PPP3CC: variants seen among roughly 807,000 people sequenced by gnomAD.
PPP3CC encodes the protein serine/threonine-protein phosphatase 2B catalytic subunit gamma isoform.
PPP3CC carries 35 observed loss-of-function variants against 60.3 expected under a neutral mutation model. That is an observed-to-expected ratio of 0.58 (90% CI 0.44 to 0.77). The LOEUF (loss-of-function observed/expected upper bound fraction) is 0.77, where lower values mean the gene tolerates loss of function less well. PPP3CC is among the 30% of genes least tolerant of loss of function. The pLI, the probability that PPP3CC is intolerant of heterozygous loss-of-function variation, is 0.00. For synonymous variants in PPP3CC, 206 were observed against 224.3 expected (o/e 0.92, Z 0.73); for missense variants, 570 against 628.9 (o/e 0.91, Z 1.00).
chr8:22,483,031 G>T (rs1165332035), intron 3 of PPP3CC, among the ~76,000 whole-genome samples: 1 of 152,132 alleles, frequency 6.6e-6, no homozygotes, highest in Non-Finnish European at 1.5e-5. Flanking sequence ...TATATGACTT[G>T]CAATCATGTA....
intron 3 of PPP3CC, among the ~76,000 whole-genome samples, chr8:22,493,881 G>A (rs1422099703): frequency 1.3e-5 from 2 of 152,144 alleles, no homozygotes; most frequent in African/African-American, 4.8e-5. Flanking sequence ...CAGGTATTAT[G>A]TACTGTACAT....
Position 22,519,788 on chromosome 8 carries a change from G to A in PPP3CC, c.771-2703G>A, listed in dbSNP as rs148549220. On this transcript the variant is annotated intron_variant, in intron 6 of 13. Coordinates refer to ENST00000240139, the MANE Select transcript of PPP3CC (RefSeq NM_005605.5). ...TCCTACCTCAGCCTCCTGAGTAGCT[G>A]GGACTACAGGCACACACCACCACAC... is the stretch of plus-strand genomic sequence containing the variant. 4.4e-3 allele frequency among the ~76,000 whole-genome samples: 666 copies of A among 152,274 alleles called. 6 individuals carry two copies. Among genetic ancestry groups the A allele is most frequent in the African/African-American group, 0.016 (645 of 41,550 alleles).
At chr8:22,512,208 C>CGGCCGGGCGCGG (rs1839107603) in intron 5 of PPP3CC, among the ~76,000 whole-genome samples, 1 of 152,212 alleles carries the variant, frequency 6.6e-6, no homozygotes, top group Non-Finnish European at 1.5e-5. Context: ...ACTATTTTCT[C>CGGCCGGGCGCGG]TGAAGAAAGT....
intron 1 of PPP3CC, among the ~76,000 whole-genome samples, chr8:22,455,171 A>G (rs1429440931): frequency 6.6e-6 from 1 of 152,194 alleles, no homozygotes; most frequent in Non-Finnish European, 1.5e-5. Flanking sequence ...ATGTATTCAT[A>G]AATATTTGAT....
At chr8:22,480,183 G>A (rs1838018943) in intron 3 of PPP3CC, among the ~76,000 whole-genome samples, 1 of 152,132 alleles carries the variant, frequency 6.6e-6, no homozygotes, top group Non-Finnish European at 1.5e-5. Context: ...GAAAGTTTAC[G>A]ATTGATAAGG....
intron 3 of PPP3CC, 28 bp from the exon 4 acceptor site, chr8:22,497,971 GAA>G: frequency 1.3e-6 from 2 of 1,494,286 alleles, no homozygotes; most frequent in Non-Finnish European, 1.8e-6. Context: ...TGGTCACAAA[GAA>G]AATTTTATGC....
chr8:22,469,857 T>C (rs1837661862), intron 1 of PPP3CC, among the ~76,000 whole-genome samples: 1 of 152,002 alleles, frequency 6.6e-6, no homozygotes. Flanking sequence ...AGATAATAAG[T>C]GATTATTGCC....
In PPP3CC at chr8:22,451,129, G is replaced by A. The variant is rs1401319043; in HGVS notation, c.49+9671G>A. Among the ~76,000 whole-genome samples, 3 of 145,862 alleles carry A rather than the reference G, an allele frequency of 2.1e-5. No individual in the cohort carries two copies. In the Admixed American group the frequency reaches 2.1e-4, roughly 10 times the overall value. On this transcript the variant is annotated intron_variant, in intron 1 of 13. Coordinates refer to ENST00000240139, the MANE Select transcript of PPP3CC (RefSeq NM_005605.5). ...GCTGGGATTACAGGCGTGAGCCACCGCACCCGGCCCATTTATTTATTTTTG... is the reference window on the plus strand; with the variant it reads ...GCTGGGATTACAGGCGTGAGCCACCACACCCGGCCCATTTATTTATTTTTG...
In PPP3CC at chr8:22,499,363, C is replaced by G. The variant is rs192059720; in HGVS notation, c.484+1251C>G. 5.6e-3 allele frequency among the ~76,000 whole-genome samples: 844 copies of G among 149,538 alleles called. 5 individuals are homozygous for G. The highest frequency in any genetic ancestry group is 9.2e-3 in the Non-Finnish European group (624 of 67,578). ...CTGAGGCAGGAGAATGGCGTGAACC[C>G]GGGAAGCGGAGCTTGCAGTGAGCCG... is the stretch of plus-strand genomic sequence containing the variant. On this transcript the variant is annotated intron_variant, in intron 4 of 13. Coordinates refer to ENST00000240139, the MANE Select transcript of PPP3CC (RefSeq NM_005605.5).
intron 1 of PPP3CC, among the ~76,000 whole-genome samples, chr8:22,454,951 G>T (rs1347979259): frequency 6.6e-6 from 1 of 151,586 alleles, no homozygotes; most frequent in Non-Finnish European, 1.5e-5. Context: ...AGCTACTCGG[G>T]AGGCTAAGGC....
chr8:22,534,926 A>G (rs746401569), intron 12 of PPP3CC, among the ~76,000 whole-genome samples: 11 of 152,230 alleles, frequency 7.2e-5, no homozygotes, highest in Non-Finnish European at 8.8e-5. Flanking sequence ...AATCAGTGAT[A>G]ATAAAGTCAG....
At chr8:22,486,063 T>C (rs1435412705) in intron 3 of PPP3CC, among the ~76,000 whole-genome samples, 1 of 143,972 alleles carries the variant, frequency 6.9e-6, no homozygotes, top group African/African-American at 2.8e-5. Context: ...CCCCGCCCTC[T>C]TGACTCTGTT....
chr8:22,484,057 G>A (rs760962832), intron 3 of PPP3CC, among the ~76,000 whole-genome samples: 2 of 151,424 alleles, frequency 1.3e-5, no homozygotes, highest in Non-Finnish European at 2.9e-5. Flanking sequence ...GTGTTGTTCA[G>A]GCTGGCCTTG....
chr8:22,497,849 G>A, intron 3 of PPP3CC, 152 bp from the exon 4 acceptor site: 1 of 537,180 alleles, frequency 1.9e-6, no homozygotes, highest in Non-Finnish European at 3.3e-6. Flanking sequence ...AAATTCTAGG[G>A]CAATAAGTAT....
chr8:22,491,902 A>G (rs116920409), intron 3 of PPP3CC, among the ~76,000 whole-genome samples: 1 of 152,178 alleles, frequency 6.6e-6, no homozygotes, highest in Non-Finnish European at 1.5e-5. Flanking sequence ...TTGTTGAGCT[A>G]TTCTTTATAA....
chr8:22,457,677 C>G (rs1468456436), intron 1 of PPP3CC, among the ~76,000 whole-genome samples: 2 of 152,220 alleles, frequency 1.3e-5, no homozygotes, highest in African/African-American at 4.8e-5. Flanking sequence ...TTATAATCTT[C>G]CGTACTTACA....
intron 4 of PPP3CC, among the ~76,000 whole-genome samples, chr8:22,502,927 A>C (rs927232983): frequency 2.0e-5 from 3 of 152,118 alleles, no homozygotes; most frequent in Non-Finnish European, 4.4e-5. Flanking sequence ...CATGTTGCCC[A>C]GGCTAATCTC....
intron 3 of PPP3CC, chr8:22,492,784 C>G: frequency 9.9e-7 from 1 of 1,005,200 alleles, no homozygotes; most frequent in Non-Finnish European, 1.6e-6. Context: ...TAAACAATGT[C>G]TCTGGTATTG....
chr8:22,489,939 A>G (rs905394689), intron 3 of PPP3CC, among the ~76,000 whole-genome samples: 1 of 151,164 alleles, frequency 6.6e-6, no homozygotes, highest in Admixed American at 6.6e-5. Context: ...CTCCTGCCTC[A>G]GCCTCTCCAG....
Sources: gnomAD v4.1 joint callset for allele counts (sites outside exome capture counted in the v4.1 genomes callset) on GRCh38, gnomAD v4.1.1 for gene constraint, MANE v1.5 for transcripts, NCBI Gene and HGNC (gene_info 2026-07-23, HGNC 2026-07-21) for gene names.